Variants in AGBL4 observed in about 807,000 individuals in gnomAD.
The protein encoded by AGBL4 is cytosolic carboxypeptidase 6.
Under a neutral mutation model 66.4 loss-of-function variants are expected in AGBL4, and 58 were observed. That is an observed-to-expected ratio of 0.87 (90% CI 0.71 to 1.09). The LOEUF is 1.09. AGBL4 is among the 50% of genes least tolerant of loss of function. The pLI, the probability that AGBL4 is intolerant of heterozygous loss-of-function variation, is 0.00. For synonymous variants in AGBL4, 234 were observed against 222.9 expected, an observed-to-expected ratio of 1.05 and a Z score of -0.44; for missense variants, 579 against 631.0, an observed-to-expected ratio of 0.92 and a Z score of 0.88.
chr1:48,550,292 G>GTGTC (rs1491160665), intron 11 of AGBL4, among the ~76,000 whole-genome samples: 1 of 151,530 alleles, frequency 6.6e-6, no homozygotes, highest in Non-Finnish European at 1.5e-5. Context: ...CAAAATCTAG[G>GTGTC]TGTCACAGGC....
the AGBL4 span, among the ~76,000 whole-genome samples, chr1:48,522,835 A>G: frequency 4.6e-5 from 7 of 151,994 alleles, no homozygotes; most frequent in Non-Finnish European, 1.0e-4. Flanking sequence ...CTGAGGCAGA[A>G]GAATCGCTTG....
chr1:49,212,988 C>T (rs1648790709), intron 4 of AGBL4, among the ~76,000 whole-genome samples: 1 of 151,964 alleles, frequency 6.6e-6, no homozygotes. Flanking sequence ...AAAGAACAGT[C>T]TGATTTTTCC....
At chr1:49,929,887 T>C (rs1653161915) in intron 1 of AGBL4, among the ~76,000 whole-genome samples, 1 of 152,132 alleles carries the variant, frequency 6.6e-6, no homozygotes, top group African/African-American at 2.4e-5. Flanking sequence ...CAGTTCCATA[T>C]GCTATACATG....
At chr1:49,426,971 T>C (rs962609250) in intron 3 of AGBL4, among the ~76,000 whole-genome samples, 1 of 152,152 alleles carries the variant, frequency 6.6e-6, no homozygotes, top group Non-Finnish European at 1.5e-5. Flanking sequence ...TCCTTATACA[T>C]GCTGTATTGT....
chr1:49,358,559 G>C (rs759758386), intron 3 of AGBL4, among the ~76,000 whole-genome samples: 1 of 152,106 alleles, frequency 6.6e-6, no homozygotes, highest in Non-Finnish European at 1.5e-5. Flanking sequence ...TATTCCAAAA[G>C]AGATAACCAT....
At chr1:49,909,024 A>G (rs1485474416) in intron 1 of AGBL4, among the ~76,000 whole-genome samples, 2 of 152,144 alleles carry the variant, frequency 1.3e-5, no homozygotes, top group East Asian at 3.9e-4. Flanking sequence ...AGTTAAGTAC[A>G]CAATAGAAGA....
chr1:49,283,098 C>T (rs1644316229), intron 3 of AGBL4, among the ~76,000 whole-genome samples: 1 of 152,246 alleles, frequency 6.6e-6, no homozygotes, highest in Non-Finnish European at 1.5e-5. Flanking sequence ...ACAGCACTAA[C>T]CTCTGCAGAC....
chr1:49,976,412 T>A (rs1557633598), intron 1 of AGBL4, among the ~76,000 whole-genome samples: 1 of 152,300 alleles, frequency 6.6e-6, no homozygotes, highest in African/African-American at 2.4e-5. Context: ...TAGATAGATA[T>A]TGATAAATAT....
intron 1 of AGBL4, among the ~76,000 whole-genome samples, chr1:49,865,042 C>A (rs1208802573): frequency 6.6e-6 from 1 of 152,216 alleles, no homozygotes; most frequent in Non-Finnish European, 1.5e-5. Flanking sequence ...CATCACTGGG[C>A]AGGGCCTCCC....
At chr1:48,914,116 A>G (rs1242714682) in intron 5 of AGBL4, among the ~76,000 whole-genome samples, 1 of 152,352 alleles carries the variant, frequency 6.6e-6, no homozygotes, top group East Asian at 1.9e-4. Flanking sequence ...GGATCAGATC[A>G]TACAAGAAGG....
At chr1:49,813,164 T>C (rs1036372856) in intron 2 of AGBL4, among the ~76,000 whole-genome samples, 1 of 152,026 alleles carries the variant, frequency 6.6e-6, no homozygotes, top group African/African-American at 2.4e-5. Flanking sequence ...GTTCTGATAA[T>C]ACACAAATAA....
intron 2 of AGBL4, among the ~76,000 whole-genome samples, chr1:49,782,009 T>G (rs943331063): frequency 6.6e-6 from 1 of 151,900 alleles, no homozygotes; most frequent in Admixed American, 6.6e-5. Flanking sequence ...TCTTATATTT[T>G]TAAATAAGAA....
chr1:48,851,914 T>TAA (rs201548177), intron 6 of AGBL4, among the ~76,000 whole-genome samples: 9 of 94,112 alleles, frequency 9.6e-5, no homozygotes, highest in Admixed American at 3.1e-4. Flanking sequence ...TTGAGAAAAA[T>TAA]AAAAAACAAA....
intron 3 of AGBL4, among the ~76,000 whole-genome samples, chr1:49,412,206 TCA>T (rs934345515): frequency 1.3e-5 from 2 of 152,166 alleles, no homozygotes; most frequent in Non-Finnish European, 2.9e-5. Flanking sequence ...AAATCTATTC[TCA>T]CAGTTCTGGA....
intron 1 of AGBL4, among the ~76,000 whole-genome samples, chr1:49,936,935 C>T (rs555871552): frequency 5.3e-5 from 8 of 152,232 alleles, no homozygotes; most frequent in South Asian, 2.1e-4. Context: ...CATCAACTAA[C>T]GAGCAAAATA....
At chr1:49,290,834 C>CA (rs1168011670) in intron 3 of AGBL4, among the ~76,000 whole-genome samples, 3 of 152,020 alleles carry the variant, frequency 2.0e-5, no homozygotes, top group African/African-American at 7.3e-5. Context: ...CTCGTTTTTA[C>CA]AAAAAATATA....
chr1:49,297,777 C>T (rs1029697377), intron 3 of AGBL4, among the ~76,000 whole-genome samples: 5 of 152,058 alleles, frequency 3.3e-5, no homozygotes, highest in African/African-American at 1.2e-4. Flanking sequence ...GATGACAGGC[C>T]CAGGTTCAGT....
At chr1:49,542,772 C>T (rs1263600089) in intron 3 of AGBL4, among the ~76,000 whole-genome samples, 1 of 151,708 alleles carries the variant, frequency 6.6e-6, no homozygotes, top group African/African-American at 2.4e-5. Context: ...GTGGCGTACA[C>T]CTGTGGTGCC....
At chr1:49,569,024 G>A (rs1316093558) in intron 3 of AGBL4, among the ~76,000 whole-genome samples, 4 of 152,266 alleles carry the variant, frequency 2.6e-5, no homozygotes, top group African/African-American at 4.8e-5. Context: ...GTGATACATA[G>A]ACACAATGGA....
Sources: gnomAD v4.1 joint callset for allele counts (sites outside exome capture counted in the v4.1 genomes callset) on GRCh38, gnomAD v4.1.1 for gene constraint, MANE v1.5 for transcripts, NCBI Gene and HGNC (gene_info 2026-07-23, HGNC 2026-07-21) for gene names.